The following BICDL1 variants were observed in gnomAD, a reference collection of about 807,000 sequenced individuals.
BICDL1 encodes the protein BICD family-like cargo adapter 1.
BICDL1 carries 20 observed loss-of-function variants against 76.8 expected under a neutral mutation model. The observed-to-expected ratio is 0.26, with a 90% CI of 0.18 to 0.38. The LOEUF (loss-of-function observed/expected upper bound fraction) is 0.38. Among genes scored for constraint, BICDL1 ranks in the 10% least tolerant of loss-of-function variants. The pLI is 1.00. For synonymous variants in BICDL1, 383 were observed against 337.1 expected, an observed-to-expected ratio of 1.14 and a Z score of -1.49; for missense variants, 700 against 798.6, an observed-to-expected ratio of 0.88 and a Z score of 1.49.
Position 119,990,265 on chromosome 12 carries a change from C to G in BICDL1, c.397C>G (p.Gln133Glu). 6.3e-7 allele frequency: 1 copy of G among 1,575,820 alleles called. No individual in the cohort carries two copies. Among genetic ancestry groups the G allele is most frequent in the Non-Finnish European group, 8.6e-7 (1 of 1,161,514 alleles). Residue 133 changes from glutamine to glutamate, a missense_variant, in exon 1 of 10, where the codon CAG becomes GAG. Physicochemically the swap from Gln to Glu is conservative, Grantham distance 29. Around this residue, in one of 3 missense-constraint regions of BICDL1, gnomAD observed 225 missense variants for 199.6 expected, o/e 1.13. Coordinates refer to ENST00000548673, the MANE Select transcript of BICDL1 (RefSeq NM_001367886.1). Reference protein sequence around the residue: ...RNQDMSRQYEQMHKELTDKLE... With the variant: ...RNQDMSRQYEEMHKELTDKLE... The stretch of plus-strand genomic sequence containing the variant: ...CCAGGACATGAGCCGGCAGTACGAG[C>G]AGATGCATAAGGAGCTGACAGACAA...
chr12:120,045,917 T>TAATAATAATAATAATAATAATA (rs1555288138), intron 2 of BICDL1, among the ~76,000 whole-genome samples: 1 of 137,634 alleles, frequency 7.3e-6, no homozygotes, highest in African/African-American at 2.7e-5. Context: ...CTTAAAGTAT[T>TAATAATAATAATAATAATAATA]ATAATAATAA....
chr12:120,033,765 G>T (rs977772083), intron 2 of BICDL1, among the ~76,000 whole-genome samples: 1 of 151,966 alleles, frequency 6.6e-6, no homozygotes, highest in East Asian at 1.9e-4. Flanking sequence ...CTGATATTTT[G>T]TATTAACTGG....
intron 4 of BICDL1, among the ~76,000 whole-genome samples, chr12:120,070,974 C>T (rs1873051364): frequency 6.6e-6 from 1 of 151,980 alleles, no homozygotes. Context: ...AGATGATCTG[C>T]CCCCTTTGGC....
intron 7 of BICDL1, among the ~76,000 whole-genome samples, chr12:120,077,404 T>C (rs1447520802): frequency 6.6e-6 from 1 of 151,930 alleles, no homozygotes; most frequent in Non-Finnish European, 1.5e-5. Flanking sequence ...ACCCCTCACC[T>C]CTGGTGTGTG....
At chr12:120,056,858 G>C (rs1184854541) in intron 2 of BICDL1, among the ~76,000 whole-genome samples, 2 of 152,216 alleles carry the variant, frequency 1.3e-5, no homozygotes, top group African/African-American at 2.4e-5. Context: ...GACCCTGCTG[G>C]GCAGTGAGTG....
At chr12:120,032,838 C>G (rs193224955) in intron 2 of BICDL1, among the ~76,000 whole-genome samples, 1 of 151,386 alleles carries the variant, frequency 6.6e-6, no homozygotes, top group East Asian at 1.9e-4. Flanking sequence ...CTTCCGCCTC[C>G]TGGGTTCAAG....
At chr12:120,040,459 C>T (rs913492671) in intron 2 of BICDL1, among the ~76,000 whole-genome samples, 3 of 151,956 alleles carry the variant, frequency 2.0e-5, no homozygotes, top group African/African-American at 7.3e-5. Flanking sequence ...CAAGGTTTGG[C>T]TCTATCGCCC....
At chr12:120,055,746 T>C (rs550271462) in intron 2 of BICDL1, among the ~76,000 whole-genome samples, 14 of 152,340 alleles carry the variant, frequency 9.2e-5, no homozygotes, top group South Asian at 6.2e-4. Flanking sequence ...AAAAAATAAG[T>C]ATCTAAAGAT....
intron 2 of BICDL1, chr12:119,999,888 A>G: frequency 8.0e-6 from 3 of 375,898 alleles, no homozygotes; most frequent in South Asian, 4.1e-5. Flanking sequence ...TGATGTTCTC[A>G]TGGGAGCAGT....
chr12:119,997,870 C>T (rs1362991874), intron 1 of BICDL1, among the ~76,000 whole-genome samples: 1 of 152,112 alleles, frequency 6.6e-6, no homozygotes, highest in Non-Finnish European at 1.5e-5. Context: ...AATCCCAGCA[C>T]TTTGGGAGGC....
chr12:120,003,051 G>T (rs1951787473), intron 2 of BICDL1, among the ~76,000 whole-genome samples: 1 of 152,012 alleles, frequency 6.6e-6, no homozygotes, highest in Non-Finnish European at 1.5e-5. Flanking sequence ...CCAGCTACCG[G>T]GGAGTCTGAT....
intron 1 of BICDL1, among the ~76,000 whole-genome samples, chr12:119,994,756 G>A (rs1202686240): frequency 6.6e-6 from 1 of 152,172 alleles, no homozygotes; most frequent in Admixed American, 6.5e-5. Context: ...CCAAAGTGCT[G>A]GGATTACAGG....
intron 8 of BICDL1, among the ~76,000 whole-genome samples, chr12:120,088,215 G>A (rs1222643780): frequency 6.6e-6 from 1 of 151,384 alleles, no homozygotes; most frequent in Non-Finnish European, 1.5e-5. Flanking sequence ...TTAGAGGCGT[G>A]AGCCACAGCA....
At chr12:120,023,551 G>A (rs1213593411) in intron 2 of BICDL1, among the ~76,000 whole-genome samples, 1 of 152,184 alleles carries the variant, frequency 6.6e-6, no homozygotes, top group Non-Finnish European at 1.5e-5. Flanking sequence ...CACTTTGGGA[G>A]GCCAACCTGG....
intron 2 of BICDL1, among the ~76,000 whole-genome samples, chr12:120,060,850 C>T (rs745848252): frequency 4.6e-5 from 7 of 152,208 alleles, no homozygotes; most frequent in African/African-American, 7.2e-5. Context: ...CCCACCTCCT[C>T]GGAAAGCCTT....
chr12:120,001,912 T>C (rs1002236366), intron 2 of BICDL1, among the ~76,000 whole-genome samples: 13 of 152,140 alleles, frequency 8.5e-5, no homozygotes, highest in Non-Finnish European at 1.9e-4. Flanking sequence ...AAATTCTCCA[T>C]GTGTAGTGGT....
At chr12:120,061,558 T>C (rs749558322) in intron 2 of BICDL1, 152 bp from the exon 3 acceptor site, 9 of 681,034 alleles carry the variant, frequency 1.3e-5, no homozygotes, top group East Asian at 7.6e-5. Context: ...TGTTTTGGAC[T>C]AGAGAACAAA....
At chr12:120,022,492 G>GTATATA (rs577815161) in intron 2 of BICDL1, among the ~76,000 whole-genome samples, 2 of 145,834 alleles carry the variant, frequency 1.4e-5, no homozygotes, top group African/African-American at 5.0e-5. Context: ...ATATTTTTGT[G>GTATATA]TATATATATA....
rs1566194252 is a variant in BICDL1, at chr12:119,989,316, C to T, written c.-553C>T. Among the ~76,000 whole-genome samples, 6 of 150,660 alleles carry T rather than the reference C, an allele frequency of 4.0e-5. No homozygotes were observed. Among genetic ancestry groups the T allele is most frequent in the South Asian group, 2.1e-4 (1 of 4,826 alleles). On this transcript the variant is annotated 5_prime_UTR_variant, in exon 1 of 10. Coordinates refer to ENST00000548673, the MANE Select transcript of BICDL1 (RefSeq NM_001367886.1). Reference sequence around the variant, plus strand: ...CTGCAGCAGCAGCAGCCGCCGTCGCCGCCGCTGCTGCTGGGGCTGCCGCGG... The same window carrying T: ...CTGCAGCAGCAGCAGCCGCCGTCGCTGCCGCTGCTGCTGGGGCTGCCGCGG...
Sources: allele counts gnomAD v4.1 joint callset (sites outside exome capture counted in the v4.1 genomes callset), GRCh38; gene constraint gnomAD v4.1.1; regional missense constraint gnomAD v4.1.1; transcripts MANE v1.5; gene names NCBI Gene and HGNC (gene_info 2026-07-23, HGNC 2026-07-21).